AGBL4: variants seen among roughly 807,000 people sequenced by gnomAD.
AGBL4 encodes cytosolic carboxypeptidase 6.
A neutral mutation model predicts 66.4 loss-of-function variants in AGBL4; 58 were observed. The ratio of observed to expected loss-of-function variants is 0.87; its 90% CI spans 0.71 to 1.09. AGBL4 has a LOEUF of 1.09. Among genes scored for constraint, AGBL4 ranks in the 50% least tolerant of loss-of-function variants. The pLI is 0.00. For synonymous variants in AGBL4, 234 were observed against 222.9 expected (o/e 1.05, Z -0.44); for missense variants, 579 against 631.0 (o/e 0.92, Z 0.88).
intron 9 of AGBL4, among the ~76,000 whole-genome samples, chr1:48,631,818 T>C (rs1309013489): frequency 6.6e-6 from 1 of 152,154 alleles, no homozygotes; most frequent in African/African-American, 2.4e-5. Flanking sequence ...ACTCACTGTT[T>C]AGTTAGTTCT....
intron 1 of AGBL4, among the ~76,000 whole-genome samples, chr1:49,938,525 G>A (rs558126087): frequency 3.2e-4 from 49 of 152,146 alleles, no homozygotes; most frequent in African/African-American, 1.1e-3. Context: ...TACCAAAGCC[G>A]GGCAGAGACA....
intron 4 of AGBL4, among the ~76,000 whole-genome samples, chr1:49,147,611 T>G (rs544384268): frequency 1.3e-5 from 2 of 152,254 alleles, no homozygotes; most frequent in South Asian, 4.1e-4. Context: ...AGGTTTCCAG[T>G]GAAAACTATA....
chr1:49,552,487 C>T (rs1283900241), intron 3 of AGBL4, among the ~76,000 whole-genome samples: 2 of 152,204 alleles, frequency 1.3e-5, no homozygotes, highest in Admixed American at 6.5e-5. Flanking sequence ...TCTGCTCCTC[C>T]TCTATACCCC....
intron 3 of AGBL4, among the ~76,000 whole-genome samples, chr1:49,253,058 T>C (rs1652195157): frequency 6.6e-6 from 1 of 152,090 alleles, no homozygotes; most frequent in African/African-American, 2.4e-5. Flanking sequence ...CACATATCAA[T>C]ACTAACTTTA....
intron 3 of AGBL4, among the ~76,000 whole-genome samples, chr1:49,444,404 T>A (rs945959700): frequency 3.9e-5 from 6 of 152,132 alleles, no homozygotes; most frequent in African/African-American, 1.4e-4. Flanking sequence ...TCCTTAGAAG[T>A]AGACTTAAAT....
chr1:49,633,677 A>G lies in AGBL4; in HGVS notation c.282+63636T>C, dbSNP rs1645613984. On this transcript the variant is annotated intron_variant, in intron 3 of 13. Coordinates refer to ENST00000371839, the MANE Select transcript of AGBL4 (RefSeq NM_032785.4). ...GTCTCAAAAAATTAAATAAACAAAT[A>G]AATAAAGCAGATAAAATGTTGCCTT... 2.0e-5 allele frequency among the ~76,000 whole-genome samples: 3 copies of G among 152,068 alleles called. No individual in the cohort carries two copies. The South Asian group carries it at 6.2e-4, about 31-fold the overall frequency.
At chr1:49,579,601 G>A (rs972781416) in intron 3 of AGBL4, among the ~76,000 whole-genome samples, 4 of 152,056 alleles carry the variant, frequency 2.6e-5, no homozygotes, top group Non-Finnish European at 4.4e-5. Context: ...CCACGTTGAC[G>A]CCATTCTCCT....
chr1:49,120,495 T>G (rs12132554), intron 4 of AGBL4, among the ~76,000 whole-genome samples: 15,516 of 152,232 alleles, frequency 0.1, 1,286 homozygotes, highest in African/African-American at 0.22. Flanking sequence ...TTGAAAAGTC[T>G]TTTCTTCAAG....
At chr1:49,847,328 C>T (rs1646174655) in intron 2 of AGBL4, among the ~76,000 whole-genome samples, 1 of 152,106 alleles carries the variant, frequency 6.6e-6, no homozygotes, top group Non-Finnish European at 1.5e-5. Context: ...ACTATGGAAA[C>T]CTCTTTTGGA....
intron 3 of AGBL4, among the ~76,000 whole-genome samples, chr1:49,446,587 G>A (rs1189584067): frequency 6.6e-6 from 1 of 152,140 alleles, no homozygotes; most frequent in Non-Finnish European, 1.5e-5. Flanking sequence ...GGCATCAGTT[G>A]GCTAAGCATA....
chr1:49,231,069 A>G (rs1650275001), intron 4 of AGBL4, among the ~76,000 whole-genome samples: 1 of 152,222 alleles, frequency 6.6e-6, no homozygotes, highest in Non-Finnish European at 1.5e-5. Context: ...GGTTTTATGA[A>G]AAATTAGTAA....
rs144354539 is a variant in AGBL4, at chr1:48,827,692, G to A, written c.634+39499C>T. Among the ~76,000 whole-genome samples, 238 of 152,278 alleles carry A rather than the reference G, an allele frequency of 1.6e-3. 1 individual carries two copies. Among genetic ancestry groups the A allele is most frequent in the Middle Eastern group, 6.8e-3 (2 of 294 alleles). On this transcript the variant is annotated intron_variant, in intron 6 of 13. Transcript: ENST00000371839. ...CTTGTTTAGGAAGCCCTTTTAAGCG[G>A]GTTGCAAGCAAGAAACAGTCTTAGC...
intron 1 of AGBL4, among the ~76,000 whole-genome samples, chr1:50,003,760 GA>G (rs1457032219): frequency 6.6e-6 from 1 of 152,138 alleles, no homozygotes; most frequent in Non-Finnish European, 1.5e-5. Context: ...CTGGAGCAAG[GA>G]AAGGGTAGGT....
chr1:48,992,499 G>A (rs1237949783), intron 5 of AGBL4, among the ~76,000 whole-genome samples: 1 of 151,868 alleles, frequency 6.6e-6, no homozygotes, highest in Admixed American at 6.6e-5. Context: ...GCCTATGTTT[G>A]CTGAGGGCCC....
At chr1:48,729,104 A>G (rs1647680380) in intron 6 of AGBL4, among the ~76,000 whole-genome samples, 1 of 151,830 alleles carries the variant, frequency 6.6e-6, no homozygotes, top group South Asian at 2.1e-4. Flanking sequence ...CAAACTACAG[A>G]GCATTTTTTT....
intron 3 of AGBL4, among the ~76,000 whole-genome samples, chr1:49,255,164 G>A (rs1274148696): frequency 1.3e-5 from 2 of 152,104 alleles, no homozygotes; most frequent in Admixed American, 6.6e-5. Flanking sequence ...TTGATAAATG[G>A]CATCTAATTA....
intron 3 of AGBL4, among the ~76,000 whole-genome samples, chr1:49,342,143 C>T (rs910623731): frequency 6.6e-6 from 1 of 152,132 alleles, no homozygotes; most frequent in Non-Finnish European, 1.5e-5. Context: ...TTCTCTTTTT[C>T]GCTTTTTTTC....
At chr1:49,171,776 G>A (rs954468468) in intron 4 of AGBL4, among the ~76,000 whole-genome samples, 5 of 151,984 alleles carry the variant, frequency 3.3e-5, no homozygotes, top group South Asian at 2.1e-4. Context: ...CTGTGCCCAC[G>A]CCCTAATATA....
chr1:48,573,218 G>A (rs61772810), intron 11 of AGBL4, among the ~76,000 whole-genome samples: 20,271 of 152,114 alleles, frequency 0.13, 1,546 homozygotes, highest in East Asian at 0.23. Flanking sequence ...GGGTGAAACG[G>A]TTTTCAAAAT....
Sources: allele counts gnomAD v4.1 joint callset (sites outside exome capture counted in the v4.1 genomes callset), GRCh38; gene constraint gnomAD v4.1.1; transcripts MANE v1.5; gene names NCBI Gene and HGNC (gene_info 2026-07-23, HGNC 2026-07-21).